Variants in GMPS observed in about 807,000 individuals in gnomAD.
The protein encoded by GMPS is guanosine monophosphate synthase.
Under a neutral mutation model 77.9 loss-of-function variants are expected in GMPS, and 15 were observed. The ratio of observed to expected loss-of-function variants is 0.19; its 90% CI spans 0.13 to 0.30. GMPS has a LOEUF of 0.30. GMPS is among the 10% of genes least tolerant of loss of function. The pLI, the probability that GMPS is intolerant of heterozygous loss-of-function variation, is 1.00. For missense variants in GMPS, 590 were observed against 838.8 expected (o/e 0.70, Z 3.66); for synonymous variants, 224 against 275.9 (o/e 0.81, Z 1.86).
At chr3:155,881,398 C>T (rs1754204328) in intron 1 of GMPS, among the ~76,000 whole-genome samples, 1 of 152,016 alleles carries the variant, frequency 6.6e-6, no homozygotes, top group South Asian at 2.1e-4. Flanking sequence ...TCTCAAACTC[C>T]CAACCTTAGG....
intron 12 of GMPS, among the ~76,000 whole-genome samples, chr3:155,926,237 T>G (rs1755451764): frequency 6.6e-6 from 1 of 152,196 alleles, no homozygotes; most frequent in South Asian, 2.1e-4. Flanking sequence ...GGCTTTGAAA[T>G]TCTGGCCTCA....
rs976950726 is a variant in GMPS, at chr3:155,938,867, A to G, written c.*1175A>G. On this transcript the variant is annotated 3_prime_UTR_variant, in exon 16 of 16. Coordinates refer to ENST00000496455, the MANE Select transcript of GMPS (RefSeq NM_003875.3). ...TATAACATTCACATAAGTACTGTAG[A>G]CAGTAGTAGACTTAAACTCTCCGTT... 2 of 213,972 alleles carry G rather than the reference A, an allele frequency of 9.3e-6. No individual in the cohort carries two copies. Among genetic ancestry groups the G allele is most frequent in the Non-Finnish European group, 1.9e-5 (2 of 105,946 alleles). The allele number at this position is 213,972 out of a possible 1,614,324, so 13.3% of individuals were successfully genotyped here. A position where few individuals can be genotyped will look rare whatever the true frequency, so the allele number is the denominator to read the frequency against.
chr3:155,932,931 C>A (rs1755662703), intron 13 of GMPS, among the ~76,000 whole-genome samples: 1 of 152,220 alleles, frequency 6.6e-6, no homozygotes. Flanking sequence ...GTGGCTCACG[C>A]CTGTAATCCC....
At chr3:155,903,145 A>C (rs751380962) in intron 3 of GMPS, among the ~76,000 whole-genome samples, 18 of 152,240 alleles carry the variant, frequency 1.2e-4, no homozygotes, top group Admixed American at 2.0e-4. Context: ...CAGATGCACT[A>C]AGATGAGTGG....
rs746854895 is a variant in GMPS, at chr3:155,931,855, C to T, written c.1651C>T (p.Pro551Ser). 9.6e-6 allele frequency: 15 copies of T among 1,564,740 alleles called. No individual in the cohort carries two copies. Among genetic ancestry groups the T allele is most frequent in the Non-Finnish European group, 1.1e-5 (13 of 1,135,532 alleles). The change falls in exon 13 of 16, where the codon CCT becomes TCT. Residue 551 changes from proline (P) to serine (S), a missense_variant. By Grantham distance (74) the Pro-to-Ser change is moderately conservative. Around this residue, in one of 6 missense-constraint regions of GMPS, gnomAD observed 89 missense variants for 95.9 expected, o/e 0.93. Transcript: ENST00000496455. ...ACTTATTTTTCTGGCTAGGCTTATA[C>T]CTCGCATGTGTCACAACGTTAACAG... ...ESLIFLARLIPRMCHNVNRVV... is the reference protein window; with the variant it reads ...ESLIFLARLISRMCHNVNRVV...
Position 155,906,116 on chromosome 3 carries a change from T to C in GMPS, c.423-44T>C, listed in dbSNP as rs760912163. 1.0e-5 allele frequency: 12 copies of C among 1,159,546 alleles called. No homozygotes were observed. The South Asian group carries it at 1.7e-4, about 17-fold the overall frequency. The allele number at this position is 1,159,546 out of a possible 1,614,324, so 71.8% of individuals were successfully genotyped here. ...AAAACAAAAGAACCCATGAATCATG[T>C]TTTTAATTAAGATATTTGTGTGTTT... On this transcript the variant is annotated intron_variant, in intron 4 of 15. Transcript: ENST00000496455.
In GMPS at chr3:155,920,355, G is replaced by A. The variant is rs149982953; in HGVS notation, c.1318+1017G>A. Among the ~76,000 whole-genome samples, 488 of 151,996 alleles carry A rather than the reference G, an allele frequency of 3.2e-3. 8 individuals are homozygous for A. The highest frequency in any genetic ancestry group is 0.028 in the Admixed American group (424 of 15,250). On this transcript the variant is annotated intron_variant, in intron 10 of 15. Coordinates refer to ENST00000496455, the MANE Select transcript of GMPS (RefSeq NM_003875.3). ...ATCTTTAGTCCCTAACCTGCATGCC[G>A]GCGAAGAATGGTCTGTGGACCGGTG...
intron 1 of GMPS, among the ~76,000 whole-genome samples, chr3:155,886,468 G>A (rs1184171009): frequency 1.3e-5 from 2 of 150,640 alleles, no homozygotes; most frequent in Non-Finnish European, 3.0e-5. Context: ...CCAGCTCATC[G>A]GAAGGCTGAG....
At chr3:155,915,218 G>A (rs1307580475) in intron 8 of GMPS, among the ~76,000 whole-genome samples, 1 of 149,462 alleles carries the variant, frequency 6.7e-6, no homozygotes, top group Non-Finnish European at 1.5e-5. Flanking sequence ...TGAATGGAAT[G>A]TTCACATACC....
At chr3:155,899,440 T>G (rs1754680967) in intron 3 of GMPS, among the ~76,000 whole-genome samples, 1 of 151,464 alleles carries the variant, frequency 6.6e-6, no homozygotes, top group South Asian at 2.1e-4. Flanking sequence ...TTCTTTTTTT[T>G]TTTTCAATTA....
chr3:155,936,932 G>A (rs1240499406), intron 15 of GMPS, among the ~76,000 whole-genome samples: 1 of 152,094 alleles, frequency 6.6e-6, no homozygotes, highest in Non-Finnish European at 1.5e-5. Context: ...ATCCTTCTTT[G>A]TCTTCACCAG....
chr3:155,892,381 A>G (rs542458666), intron 1 of GMPS, among the ~76,000 whole-genome samples: 1 of 151,970 alleles, frequency 6.6e-6, no homozygotes, highest in Admixed American at 6.6e-5. Context: ...AAAAGCAAAC[A>G]AAAAAAACCC....
At chr3:155,916,854 A>G (rs1328801251) in intron 9 of GMPS, among the ~76,000 whole-genome samples, 1 of 152,216 alleles carries the variant, frequency 6.6e-6, no homozygotes, top group East Asian at 1.9e-4. Context: ...ATGATGATAC[A>G]ATTTTACATT....
chr3:155,895,455 C>A (rs1754580715), intron 2 of GMPS: 1 of 152,132 alleles, frequency 6.6e-6, no homozygotes, highest in South Asian at 2.1e-4. Flanking sequence ...GGATTACAGG[C>A]ATGTGCTGCC....
intron 1 of GMPS, among the ~76,000 whole-genome samples, chr3:155,879,867 A>C (rs1754169868): frequency 6.7e-6 from 1 of 150,352 alleles, no homozygotes; most frequent in Admixed American, 6.7e-5. Flanking sequence ...AGTAGCTGGG[A>C]TTTCAGGCGC....
chr3:155,916,305 T>G lies in GMPS; in HGVS notation c.1212+113T>G, dbSNP rs1350356261. Reference sequence around the variant, plus strand: ...TGCATAACCATCACCACATCTAATTTTAGAACATTTTCCTTACCCTAAAAA... The same window carrying G: ...TGCATAACCATCACCACATCTAATTGTAGAACATTTTCCTTACCCTAAAAA... On this transcript the variant is annotated intron_variant, in intron 9 of 15. Coordinates refer to ENST00000496455, the MANE Select transcript of GMPS (RefSeq NM_003875.3). 7 of 707,982 alleles carry G rather than the reference T, an allele frequency of 9.9e-6. No individual in the cohort carries two copies. The African/African-American group carries it at 1.2e-4, about 13-fold the overall frequency. The allele number at this position is 707,982 out of a possible 1,614,324, so 43.9% of individuals were successfully genotyped here. A position where few individuals can be genotyped will look rare whatever the true frequency, so the allele number is the denominator to read the frequency against.
chr3:155,897,867 G>A (rs1387161397), intron 2 of GMPS, 60 bp from the exon 3 acceptor site: 5 of 857,364 alleles, frequency 5.8e-6, no homozygotes, highest in Non-Finnish European at 8.1e-6. Context: ...AGGGAGAGAG[G>A]GCATAGACCT....
At chr3:155,892,259 A>G (rs1164734293) in intron 1 of GMPS, among the ~76,000 whole-genome samples, 5 of 152,206 alleles carry the variant, frequency 3.3e-5, no homozygotes, top group African/African-American at 4.8e-5. Flanking sequence ...TTTATATAAG[A>G]CACATTGAAG....
In GMPS at chr3:155,925,336, C is replaced by T. The variant is rs1365665956; in HGVS notation, c.1530C>T (p.Phe510=). ...QITSLHSLNA[F]LLPIKTVGVQ... ...CCAGTCTGCATTCACTGAATGCCTT[C>T]TTGCTGCCAATTAAAACTGTAGGTG... The change falls in exon 12 of 16, where the codon TTC becomes TTT. Residue 510 remains phenylalanine, a synonymous_variant. Transcript: ENST00000496455. The T allele has an allele frequency of 3.2e-5, 51 of 1,611,046 alleles. No homozygotes were observed. The highest frequency in any genetic ancestry group is 4.2e-5 in the Non-Finnish European group (50 of 1,177,690).
Sources: gnomAD v4.1 joint callset for allele counts (sites outside exome capture counted in the v4.1 genomes callset) on GRCh38, gnomAD v4.1.1 for gene constraint, gnomAD v4.1.1 regional missense constraint, MANE v1.5 for transcripts, NCBI Gene and HGNC (gene_info 2026-07-23, HGNC 2026-07-21) for gene names.